LUZP2: variants seen among roughly 807,000 people sequenced by gnomAD.
LUZP2 encodes leucine zipper protein 2.
In LUZP2, 52 loss-of-function variants were observed where a neutral mutation model predicts 51.6. That is an observed-to-expected ratio of 1.01 (90% confidence interval 0.81 to 1.27). The LOEUF (loss-of-function observed/expected upper bound fraction) is 1.27. LUZP2 is among the 50% of genes most tolerant of loss of function. The probability of loss-of-function intolerance (pLI) is 0.00; values close to 1 mark genes in which losing one functional copy is unlikely to be tolerated. For missense variants in LUZP2, 436 were observed against 395.4 expected (o/e 1.10, Z -0.87); for synonymous variants, 154 against 137.3 (o/e 1.12, Z -0.85).
intron 1 of LUZP2, among the ~76,000 whole-genome samples, chr11:24,521,990 G>C (rs1199969166): frequency 6.6e-6 from 1 of 152,062 alleles, no homozygotes; most frequent in African/African-American, 2.4e-5. Context: ...GAAAGAATTA[G>C]AAACTATAGG....
intron 1 of LUZP2, among the ~76,000 whole-genome samples, chr11:24,677,010 T>A (rs917271230): frequency 6.6e-6 from 1 of 152,100 alleles, no homozygotes; most frequent in Admixed American, 6.5e-5. Flanking sequence ...CCACAAAAAA[T>A]TCTAAATAAT....
chr11:24,770,648 C>G (rs1231321961), intron 5 of LUZP2, among the ~76,000 whole-genome samples: 3 of 152,034 alleles, frequency 2.0e-5, no homozygotes, highest in African/African-American at 7.2e-5. Context: ...ATCGGATTCC[C>G]AAGTAGTTCC....
chr11:24,514,163 T>C (rs934928123), intron 1 of LUZP2, among the ~76,000 whole-genome samples: 3 of 152,144 alleles, frequency 2.0e-5, no homozygotes, highest in Non-Finnish European at 4.4e-5. Context: ...GGAGTCTTGA[T>C]TGGTGGGAGA....
intron 5 of LUZP2, among the ~76,000 whole-genome samples, chr11:24,901,572 A>G (rs1853283924): frequency 6.6e-6 from 1 of 152,200 alleles, no homozygotes; most frequent in Non-Finnish European, 1.5e-5. Flanking sequence ...AACTTTAGAC[A>G]GACTCCTCTG....
chr11:24,882,318 G>C (rs954812569), intron 5 of LUZP2, among the ~76,000 whole-genome samples: 1 of 150,718 alleles, frequency 6.6e-6, no homozygotes, highest in Non-Finnish European at 1.5e-5. Context: ...AGAAGTTTTA[G>C]GTTCACAGAA....
intron 5 of LUZP2, chr11:24,786,652 G>C (rs895803212): frequency 1.4e-4 from 2 of 14,516 alleles, no homozygotes; most frequent in African/African-American, 3.4e-4. Flanking sequence ...ATACCACATA[G>C]GTATATAATA....
At chr11:25,050,333 G>T (rs1382970334) in intron 10 of LUZP2, among the ~76,000 whole-genome samples, 19 of 100,012 alleles carry the variant, frequency 1.9e-4, no homozygotes, top group Admixed American at 9.7e-4. Context: ...ACGGAGTCTT[G>T]GTCTGTCGCC....
intron 9 of LUZP2, among the ~76,000 whole-genome samples, chr11:24,998,000 C>T (rs1381539278): frequency 6.6e-6 from 1 of 152,128 alleles, no homozygotes; most frequent in Admixed American, 6.6e-5. Flanking sequence ...GGTACCAGTA[C>T]CATCCTGTTT....
chr11:24,775,772 T>C (rs904254107), intron 5 of LUZP2, among the ~76,000 whole-genome samples: 6 of 152,114 alleles, frequency 3.9e-5, no homozygotes, highest in African/African-American at 1.4e-4. Flanking sequence ...GAGAGAGAGA[T>C]AGCTAGTGTT....
intron 5 of LUZP2, among the ~76,000 whole-genome samples, chr11:24,773,628 T>G (rs2631406): frequency 0.67 from 101,768 of 152,056 alleles, 34,185 homozygotes; most frequent in African/African-American, 0.71. Flanking sequence ...TTCACAAAGG[T>G]GTGTGAATTA....
intron 5 of LUZP2, among the ~76,000 whole-genome samples, chr11:24,849,614 G>A (rs1410247858): frequency 6.6e-6 from 1 of 152,134 alleles, no homozygotes; most frequent in Non-Finnish European, 1.5e-5. Context: ...ATAGTAGAAT[G>A]ATTTATCATC....
chr11:24,957,342 TA>T (rs1254570509), intron 7 of LUZP2, among the ~76,000 whole-genome samples: 2 of 152,170 alleles, frequency 1.3e-5, no homozygotes, highest in African/African-American at 4.8e-5. Context: ...TCAATTTCTC[TA>T]AATATTTATC....
intron 9 of LUZP2, among the ~76,000 whole-genome samples, chr11:25,026,859 T>G (rs1235841681): frequency 6.9e-6 from 1 of 145,608 alleles, no homozygotes; most frequent in Non-Finnish European, 1.5e-5. Flanking sequence ...ATTTTTTTTA[T>G]TTTTTTAATT....
At chr11:24,672,830 C>A (rs952005337) in intron 1 of LUZP2, among the ~76,000 whole-genome samples, 1 of 152,156 alleles carries the variant, frequency 6.6e-6, no homozygotes, top group Non-Finnish European at 1.5e-5. Context: ...GTCCCCAGTC[C>A]CTGGACCACA....
chr11:24,722,288 T>G (rs1354707458), intron 1 of LUZP2, among the ~76,000 whole-genome samples: 1 of 152,138 alleles, frequency 6.6e-6, no homozygotes, highest in African/African-American at 2.4e-5. Context: ...ACTGGGTAAT[T>G]TATACAGGAA....
chr11:24,539,233 T>C (rs1205439107), intron 1 of LUZP2, among the ~76,000 whole-genome samples: 1 of 151,940 alleles, frequency 6.6e-6, no homozygotes, highest in Non-Finnish European at 1.5e-5. Flanking sequence ...AATTGATTAT[T>C]CATATCTACC....
chr11:24,732,262 T>C (rs1858742349), intron 3 of LUZP2, 74 bp downstream of exon 3: 6 of 1,092,490 alleles, frequency 5.5e-6, no homozygotes, highest in Non-Finnish European at 8.0e-6. Context: ...ACAAAATTTA[T>C]TGATTCTAAA....
intron 1 of LUZP2, among the ~76,000 whole-genome samples, chr11:24,578,550 G>T (rs187686089): frequency 8.0e-4 from 101 of 126,846 alleles, no homozygotes; most frequent in South Asian, 1.5e-3. Context: ...CCCAGTGATG[G>T]TGGGCTGGAT....
intron 5 of LUZP2, among the ~76,000 whole-genome samples, chr11:24,888,692 T>TC (rs963477037): frequency 3.9e-5 from 6 of 152,014 alleles, no homozygotes; most frequent in African/African-American, 1.4e-4. Flanking sequence ...AGGCTTTGTG[T>TC]CCCCCCACAA....
Sources: allele counts gnomAD v4.1 joint callset (sites outside exome capture counted in the v4.1 genomes callset), GRCh38; gene constraint gnomAD v4.1.1; transcripts MANE v1.5; gene names NCBI Gene and HGNC (gene_info 2026-07-23, HGNC 2026-07-21).